Variants in DAB1 observed in about 807,000 individuals in gnomAD.
DAB1 encodes DAB adaptor protein 1, also known as disabled homolog 1.
Under a neutral mutation model 64.6 loss-of-function variants are expected in DAB1, and 15 were observed. That is an observed-to-expected ratio of 0.23 (90% CI 0.16 to 0.36). The LOEUF (loss-of-function observed/expected upper bound fraction) is 0.36. DAB1 is among the 10% of genes least tolerant of loss of function. The pLI is 1.00. For synonymous variants in DAB1, 235 were observed against 251.9 expected, an observed-to-expected ratio of 0.93 and a Z score of 0.64; for missense variants, 596 against 706.7, an observed-to-expected ratio of 0.84 and a Z score of 1.78.
Position 58,308,856 on chromosome 1 carries a change from C to T in DAB1, n.309+34496G>A, listed in dbSNP as rs148064452. Among the ~76,000 whole-genome samples, 680 of 152,256 alleles carry T rather than the reference C, an allele frequency of 4.5e-3. 5 individuals carry two copies. The highest frequency in any genetic ancestry group is 0.015 in the African/African-American group (632 of 41,548). On this transcript the variant is annotated intron_variant and non_coding_transcript_variant, in intron 4 of 20. Coordinates refer to the DAB1 transcript ENST00000485760. ...TCTACTTCCTGCAGTGAGACTCAGG[C>T]GCTCCCCATATTCCAAGGTCTACCT...
At chr1:58,535,057 G>T (rs1358533422) in intron 1 of DAB1, among the ~76,000 whole-genome samples, 1 of 152,056 alleles carries the variant, frequency 6.6e-6, no homozygotes, top group African/African-American at 2.4e-5. Flanking sequence ...TAATAAGAAA[G>T]TTAAACTACC....
intron 6 of DAB1, among the ~76,000 whole-genome samples, chr1:57,696,695 A>G (rs750703560): frequency 3.4e-4 from 52 of 152,184 alleles, no homozygotes; most frequent in Non-Finnish European, 6.5e-4. Context: ...ACTGTCCCCT[A>G]TGTACTCTAC....
chr1:57,968,507 A>G (rs1435724429), intron 5 of DAB1, among the ~76,000 whole-genome samples: 1 of 152,148 alleles, frequency 6.6e-6, no homozygotes, highest in African/African-American at 2.4e-5. Context: ...CTCACTGCCA[A>G]TTCCAGCCTG....
intron 3 of DAB1, among the ~76,000 whole-genome samples, chr1:58,360,720 T>A: frequency 6.6e-6 from 1 of 152,232 alleles, no homozygotes; most frequent in South Asian, 2.1e-4. Context: ...AATACTGCGC[T>A]AATGAGAGAG....
At chr1:57,569,175 G>A (rs1225355693) in intron 7 of DAB1, among the ~76,000 whole-genome samples, 8 of 138,396 alleles carry the variant, frequency 5.8e-5, no homozygotes, top group Admixed American at 1.6e-4. Context: ...GGAGAATGGC[G>A]TGAACCCCAG....
intron 6 of DAB1, among the ~76,000 whole-genome samples, chr1:57,738,481 C>G (rs529112686): frequency 6.6e-6 from 1 of 152,122 alleles, no homozygotes; most frequent in Non-Finnish European, 1.5e-5. Context: ...ATCTCTCCCC[C>G]ACCCACAACC....
At chr1:58,286,348 CA>C (rs376708534) in intron 4 of DAB1, among the ~76,000 whole-genome samples, 4 of 152,102 alleles carry the variant, frequency 2.6e-5, no homozygotes, top group African/African-American at 9.7e-5. Flanking sequence ...TTCTGCACAG[CA>C]AAAGAAACTA....
At chr1:58,085,958 C>CTTTTTTTTTTT (rs911523306) in intron 5 of DAB1, among the ~76,000 whole-genome samples, 1 of 98,722 alleles carries the variant, frequency 1.0e-5, no homozygotes, top group African/African-American at 4.5e-5. Flanking sequence ...ATCTCTCTCT[C>CTTTTTTTTTTT]TTTTTTTTTT....
At chr1:57,873,526 A>T (rs1385289473) in intron 1 of DAB1, among the ~76,000 whole-genome samples, 2 of 152,200 alleles carry the variant, frequency 1.3e-5, no homozygotes. Context: ...GGTGGCATTT[A>T]ATCTTGAAAT....
In DAB1 at chr1:58,111,541, T is replaced by G. The variant is rs571011373; in HGVS notation, n.387+38970A>C. ...ATTTGATATTTTTTCCAAGAGCAAC[T>G]TTTAGCATTCCACAGCACATGGTGT... On this transcript the variant is annotated intron_variant and non_coding_transcript_variant, in intron 5 of 20. Coordinates refer to the DAB1 transcript ENST00000485760. Among the ~76,000 whole-genome samples the G allele has an allele frequency of 1.1e-4, 16 of 152,358 alleles. 1 individual carries two copies. Among genetic ancestry groups the G allele is most frequent in the Middle Eastern group, 6.8e-3 (2 of 294 alleles).
chr1:57,949,161 CA>C, intron 5 of DAB1, among the ~76,000 whole-genome samples: 1 of 151,930 alleles, frequency 6.6e-6, no homozygotes, highest in African/African-American at 2.4e-5. Context: ...ACAATATTTC[CA>C]TGGGGGGGGC....
upstream of DAB1, among the ~76,000 whole-genome samples, chr1:57,427,419 T>C (rs1025760583): frequency 3.3e-5 from 5 of 152,198 alleles, no homozygotes; most frequent in Non-Finnish European, 5.9e-5. Context: ...TGGAGTTTTA[T>C]TGAACTTTAC....
At chr1:58,228,483 C>T (rs1174313226) in intron 4 of DAB1, among the ~76,000 whole-genome samples, 3 of 152,020 alleles carry the variant, frequency 2.0e-5, no homozygotes, top group African/African-American at 7.2e-5. Context: ...CCTTTGGGGA[C>T]AGAGTCAGAG....
At chr1:57,570,154 G>T (rs1645177542) in intron 7 of DAB1, among the ~76,000 whole-genome samples, 1 of 152,078 alleles carries the variant, frequency 6.6e-6, no homozygotes, top group Non-Finnish European at 1.5e-5. Context: ...TAATGTGGGT[G>T]GGCACAATCT....
intron 5 of DAB1, among the ~76,000 whole-genome samples, chr1:57,968,482 A>T (rs1430936343): frequency 6.6e-6 from 1 of 152,058 alleles, no homozygotes; most frequent in African/African-American, 2.4e-5. Flanking sequence ...TAAAAAACAA[A>T]CCTCTGTCTG....
intron 7 of DAB1, among the ~76,000 whole-genome samples, chr1:57,448,860 C>T (rs932437455): frequency 1.5e-4 from 23 of 152,148 alleles, no homozygotes; most frequent in African/African-American, 5.5e-4. Context: ...CTGTTATTGA[C>T]CTCAGTCCTA....
rs556881957 is a variant in DAB1 at position 58,198,652 on chromosome 1, A to C, written n.310-48064T>G. ...TTCAGATCTTTGACTCCAAGATTAG[A>C]CATATGACCCAGCCTGGCCAATTAG... On this transcript the variant is annotated intron_variant and non_coding_transcript_variant, in intron 4 of 20. Coordinates refer to the DAB1 transcript ENST00000485760. Among the ~76,000 whole-genome samples, 3 of 152,362 alleles carry C rather than the reference A, an allele frequency of 2.0e-5. No homozygotes were observed. In the South Asian group the frequency reaches 6.2e-4, roughly 32 times the overall value.
At chr1:58,109,221 T>C (rs1320473358) in intron 5 of DAB1, among the ~76,000 whole-genome samples, 2 of 152,160 alleles carry the variant, frequency 1.3e-5, no homozygotes, top group Non-Finnish European at 2.9e-5. Context: ...ATGAAAGGAA[T>C]TTATGCAGTC....
chr1:58,253,458 T>C (rs1451133396), intron 4 of DAB1, among the ~76,000 whole-genome samples: 1 of 152,202 alleles, frequency 6.6e-6, no homozygotes, highest in African/African-American at 2.4e-5. Context: ...AAAAAGTGTG[T>C]CACTGAATGT....
Sources: gnomAD v4.1 joint callset for allele counts (sites outside exome capture counted in the v4.1 genomes callset) on GRCh38, gnomAD v4.1.1 for gene constraint, MANE v1.5 for transcripts, NCBI Gene and HGNC (gene_info 2026-07-23, HGNC 2026-07-21) for gene names.